Variants in CFAP77 observed in about 807,000 individuals in gnomAD.
CFAP77 encodes cilia and flagella associated protein 77, also known as cilia- and flagella-associated protein 77.
A neutral mutation model predicts 31.1 loss-of-function variants in CFAP77; 25 were observed. The observed-to-expected ratio is 0.80, with a 90% CI of 0.59 to 1.12. The LOEUF (loss-of-function observed/expected upper bound fraction) is 1.12, where lower values mean the gene tolerates loss of function less well. Among genes scored for constraint, CFAP77 ranks in the 50% most tolerant of loss-of-function variants. CFAP77 has a pLI of 0.00. For missense variants in CFAP77, 377 were observed against 397.3 expected, an observed-to-expected ratio of 0.95 and a Z score of 0.44; for synonymous variants, 151 against 159.9, an observed-to-expected ratio of 0.94 and a Z score of 0.42.
rs77941965 is a variant in CFAP77, at chr9:132,513,502, G to C, written c.524+13902G>C. 4 of 955,620 alleles carry C rather than the reference G, an allele frequency of 4.2e-6. No individual in the cohort carries two copies. In the African/African-American group the frequency reaches 6.6e-5, roughly 16 times the overall value. 59.2% of individuals were successfully genotyped at this position (955,620 alleles called of 1,614,324 possible). A position where few individuals can be genotyped will look rare whatever the true frequency, so the allele number is the denominator to read the frequency against. On this transcript the variant is annotated intron_variant, in intron 3 of 5. Coordinates refer to ENST00000393216, the MANE Select transcript of CFAP77 (RefSeq NM_001282957.2). The stretch of plus-strand genomic sequence containing the variant: ...GGAGCACGCATGCTTTCCACCCAGC[G>C]TGCCCAGTTTTGCTCTGTCGTTAGC...
intron 3 of CFAP77, among the ~76,000 whole-genome samples, chr9:132,514,985 T>C (rs1852120677): frequency 6.6e-6 from 1 of 151,974 alleles, no homozygotes; most frequent in South Asian, 2.1e-4. Context: ...AGCTCTCTGC[T>C]GGGAGGACAG....
At chr9:132,447,815 CTG>C (rs1850752637) in intron 1 of CFAP77, among the ~76,000 whole-genome samples, 2 of 152,340 alleles carry the variant, frequency 1.3e-5, no homozygotes, top group South Asian at 2.1e-4. Flanking sequence ...TACTTCCTCT[CTG>C]TACTCAGCCC....
intron 4 of CFAP77, among the ~76,000 whole-genome samples, chr9:132,540,377 G>A (rs1373988874): frequency 6.6e-6 from 1 of 152,196 alleles, no homozygotes; most frequent in Admixed American, 6.5e-5. Context: ...TACCAGCTCT[G>A]CATGTGTGGC....
chr9:132,510,032 G>A (rs571823061), intron 3 of CFAP77, among the ~76,000 whole-genome samples: 27 of 152,212 alleles, frequency 1.8e-4, no homozygotes, highest in Admixed American at 8.5e-4. Context: ...CCTGTGGCCC[G>A]GACAGAGATT....
At position 132,545,105 on chromosome 9, in the gene CFAP77, T is replaced by C. The variant is rs1383989190; in HGVS notation, c.732+2058T>C. ...ACGGCGCCTGGCCCCAAGTAGGAGC[T>C]AAATGCACATAGAATGAGTTTCCAT... is the stretch of plus-strand genomic sequence containing the variant. On this transcript the variant is annotated intron_variant, in intron 5 of 5. Transcript: ENST00000393216. This position sits in a 1 kb window ranked among gnomAD's most constrained non-coding sequence, Gnocchi z 4.6. Among the ~76,000 whole-genome samples, 1 of 152,232 alleles carries C rather than the reference T, an allele frequency of 6.6e-6. No individual in the cohort carries two copies. The highest frequency in any genetic ancestry group is 2.4e-5 in the African/African-American group (1 of 41,458).
chr9:132,572,468 G>A lies in CFAP77; in HGVS notation c.813G>A (p.Val271=). 2.5e-6 allele frequency: 4 copies of A among 1,609,984 alleles called. No homozygotes were observed. The highest frequency in any genetic ancestry group is 3.4e-6 in the Non-Finnish European group (4 of 1,179,790). The change falls in exon 6 of 6, where the codon GTG becomes GTA. Residue 271 remains valine (V), a synonymous_variant. Coordinates refer to ENST00000393216, the MANE Select transcript of CFAP77 (RefSeq NM_001282957.2). The part of the protein sequence containing the change: ...ALKAHREECA[V]RQGTLRMGNY... Reference sequence around the variant, plus strand: ...AAGCCCACCGGGAAGAGTGTGCCGTGCGCCAGGGGACCCTGCGGATGGGCA... The same window carrying A: ...AAGCCCACCGGGAAGAGTGTGCCGTACGCCAGGGGACCCTGCGGATGGGCA...
chr9:132,534,192 C>T (rs1370290778), intron 3 of CFAP77, among the ~76,000 whole-genome samples: 1 of 152,160 alleles, frequency 6.6e-6, no homozygotes, highest in Non-Finnish European at 1.5e-5. Context: ...TCAGCCTCCA[C>T]CTGATCATTT....
intron 4 of CFAP77, among the ~76,000 whole-genome samples, chr9:132,541,621 G>A (rs1361735904): frequency 6.6e-6 from 1 of 152,174 alleles, no homozygotes; most frequent in Non-Finnish European, 1.5e-5. Flanking sequence ...CTACTTGGGA[G>A]GCTGAGGCAG....
chr9:132,485,947 G>T (rs1356914591), intron 1 of CFAP77, among the ~76,000 whole-genome samples: 1 of 135,938 alleles, frequency 7.4e-6, no homozygotes, highest in African/African-American at 2.8e-5. Context: ...CACTGAGCTG[G>T]TGTCAGTCCA....
intron 1 of CFAP77, among the ~76,000 whole-genome samples, chr9:132,483,509 C>A (rs958499521): frequency 6.6e-6 from 1 of 152,280 alleles, no homozygotes; most frequent in Admixed American, 6.5e-5. Context: ...CGCGAACTGA[C>A]ACCTGGGTCT....
intron 3 of CFAP77, among the ~76,000 whole-genome samples, chr9:132,508,567 C>T (rs1267149738): frequency 7.9e-5 from 12 of 152,136 alleles, no homozygotes; most frequent in African/African-American, 4.8e-5. Flanking sequence ...CCATCTGAAG[C>T]CCTGGGATTA....
chr9:132,485,671 A>G (rs541771076), intron 1 of CFAP77, among the ~76,000 whole-genome samples: 19 of 152,100 alleles, frequency 1.2e-4, no homozygotes, highest in Admixed American at 1.2e-3. Flanking sequence ...AACCCACCAA[A>G]CAGACAAGTG....
Position 132,545,878 on chromosome 9 carries a change from C to T in CFAP77, c.732+2831C>T, listed in dbSNP as rs538829162. 1.3e-5 allele frequency among the ~76,000 whole-genome samples: 2 copies of T among 152,302 alleles called. No individual in the cohort carries two copies. The highest frequency in any genetic ancestry group is 1.9e-4 in the East Asian group (1 of 5,178). ...CCAGGGCCTCCCGAGGACCCCTTCC[C>T]TCACCTCCAGGCCCCACCCACAGGT... On this transcript the variant is annotated intron_variant, in intron 5 of 5. Transcript: ENST00000393216. The surrounding 1 kb of genome is among the most constrained non-coding windows in gnomAD (Gnocchi z 4.6).
chr9:132,415,601 T>C (rs1042645918), intron 1 of CFAP77, among the ~76,000 whole-genome samples: 3 of 152,204 alleles, frequency 2.0e-5, no homozygotes, highest in African/African-American at 7.2e-5. Context: ...TGCGGTGGCG[T>C]GGCAGGAAGG....
At chr9:132,421,974 G>A (rs1850223595) in intron 1 of CFAP77, among the ~76,000 whole-genome samples, 1 of 151,714 alleles carries the variant, frequency 6.6e-6, no homozygotes, top group Non-Finnish European at 1.5e-5. Context: ...TGGGCCTTGG[G>A]GACACCTCAG....
intron 5 of CFAP77, among the ~76,000 whole-genome samples, chr9:132,557,469 A>C (rs951872279): frequency 2.0e-5 from 3 of 152,212 alleles, no homozygotes; most frequent in African/African-American, 7.2e-5. Flanking sequence ...GGACAGTCCC[A>C]GCCAGACTCA....
In CFAP77 at chr9:132,499,888, T is replaced by C. The variant is rs1343855235; in HGVS notation, c.524+288T>C. 2.0e-5 allele frequency among the ~76,000 whole-genome samples: 3 copies of C among 152,130 alleles called. No individual in the cohort carries two copies. The highest frequency in any genetic ancestry group is 2.0e-4 in the Admixed American group (3 of 15,272). The stretch of plus-strand genomic sequence containing the variant: ...TCCCTGGGCCAGGCCCAGTGACTCA[T>C]CTCTGTAATCCTAGCACTTTGGGAG... On this transcript the variant is annotated intron_variant, in intron 3 of 5. Transcript: ENST00000393216. This position sits in a 1 kb window ranked among gnomAD's most constrained non-coding sequence, Gnocchi z 5.4.
intron 5 of CFAP77, among the ~76,000 whole-genome samples, chr9:132,548,241 C>G (rs1282140588): frequency 7.1e-6 from 1 of 141,320 alleles, no homozygotes; most frequent in Non-Finnish European, 1.5e-5. Flanking sequence ...GGCAGGAGGG[C>G]CCCACAAATG....
intron 3 of CFAP77, 89 bp from the exon 4 acceptor site, chr9:132,537,512 T>A (rs1175789915): frequency 1.1e-6 from 1 of 900,766 alleles, no homozygotes; most frequent in Non-Finnish European, 1.8e-6. Flanking sequence ...GCCCCTGACG[T>A]TTAGGAGGCT....
Sources: gnomAD v4.1 joint callset for allele counts (sites outside exome capture counted in the v4.1 genomes callset) on GRCh38, gnomAD v4.1.1 for gene constraint, Gnocchi (gnomAD v3.1) non-coding constraint, MANE v1.5 for transcripts, NCBI Gene and HGNC (gene_info 2026-07-23, HGNC 2026-07-21) for gene names.